The following TSPAN9 variants were observed in gnomAD, a reference collection of about 807,000 sequenced individuals.
The protein encoded by TSPAN9 is tetraspanin 9.
In TSPAN9, 16 loss-of-function variants were observed where a neutral mutation model predicts 31.0. That is an observed-to-expected ratio of 0.52 (90% CI 0.35 to 0.78). The LOEUF (loss-of-function observed/expected upper bound fraction) is 0.78, where lower values mean the gene tolerates loss of function less well. Among genes scored for constraint, TSPAN9 ranks in the 30% least tolerant of loss-of-function variants. TSPAN9 has a pLI of 0.01. For missense variants in TSPAN9, 272 were observed against 312.5 expected, an observed-to-expected ratio of 0.87 and a Z score of 0.98; for synonymous variants, 145 against 121.6, an observed-to-expected ratio of 1.19 and a Z score of -1.27.
intron 3 of TSPAN9, among the ~76,000 whole-genome samples, chr12:3,235,118 G>A (rs1192125104): frequency 1.3e-5 from 1 of 78,102 alleles, no homozygotes; most frequent in Non-Finnish European, 3.1e-5. Context: ...AGTGAGCGGA[G>A]CTTGCAGTGA....
chr12:3,250,818 G>A (rs540910859), intron 3 of TSPAN9, among the ~76,000 whole-genome samples: 15 of 152,348 alleles, frequency 9.8e-5, no homozygotes, highest in Admixed American at 4.6e-4. Context: ...TGCCAGGCCC[G>A]GGGAGCAGCC....
chr12:3,257,515 A>G (rs936866481), intron 3 of TSPAN9, among the ~76,000 whole-genome samples: 3 of 151,988 alleles, frequency 2.0e-5, no homozygotes. Context: ...GCATCCAAGA[A>G]CAACAGTGGC....
chr12:3,112,676 C>CTTTTTTTTTTT (rs765040711), intron 2 of TSPAN9, among the ~76,000 whole-genome samples: 2 of 88,514 alleles, frequency 2.3e-5, no homozygotes. Context: ...TTTATTTTTG[C>CTTTTTTTTTTT]TTTTTTTTTT....
chr12:3,145,191 C>T (rs1306081048), intron 2 of TSPAN9, among the ~76,000 whole-genome samples: 2 of 152,176 alleles, frequency 1.3e-5, no homozygotes, highest in Non-Finnish European at 2.9e-5. Flanking sequence ...GACCGTGAGG[C>T]CCTCCGGTCA....
chr12:3,237,710 G>T (rs555278104), intron 3 of TSPAN9, among the ~76,000 whole-genome samples: 1 of 152,276 alleles, frequency 6.6e-6, no homozygotes, highest in East Asian at 1.9e-4. Flanking sequence ...TCAGCTTTCT[G>T]CAAGTCTCCC....
At chr12:3,188,134 T>G (rs895065860) in intron 2 of TSPAN9, among the ~76,000 whole-genome samples, 2 of 152,078 alleles carry the variant, frequency 1.3e-5, no homozygotes, top group Admixed American at 1.3e-4. Flanking sequence ...GACAAGTGCC[T>G]CCCACTTGAT....
chr12:3,211,396 A>T (rs1011393457), intron 3 of TSPAN9, among the ~76,000 whole-genome samples: 9 of 152,152 alleles, frequency 5.9e-5, no homozygotes, highest in African/African-American at 2.2e-4. Flanking sequence ...AATATCTGGT[A>T]GGGCAAATCC....
At chr12:3,241,678 A>G (rs1412377083) in intron 3 of TSPAN9, among the ~76,000 whole-genome samples, 1 of 152,176 alleles carries the variant, frequency 6.6e-6, no homozygotes, top group African/African-American at 2.4e-5. Flanking sequence ...CATGGTCAGC[A>G]TGGTGGGTGT....
chr12:3,110,345 G>C (rs1350059262), intron 2 of TSPAN9, among the ~76,000 whole-genome samples: 1 of 152,108 alleles, frequency 6.6e-6, no homozygotes, highest in Non-Finnish European at 1.5e-5. Flanking sequence ...AAAATACCTA[G>C]GATACTAATT....
intron 3 of TSPAN9, among the ~76,000 whole-genome samples, chr12:3,276,432 G>A (rs1862788360): frequency 6.6e-6 from 1 of 152,174 alleles, no homozygotes; most frequent in Admixed American, 6.5e-5. Context: ...CTCACTCACT[G>A]TTGTAGCACA....
Position 3,111,291 on chromosome 12 carries a change from C to T in TSPAN9, c.-18+27572C>T, listed in dbSNP as rs912856926. ...GCTCCAGGAGATGCCCGTCCCCTTTCGCCAGCCTCCTTTGACATTTTTGGT... is the reference window on the plus strand; with the variant it reads ...GCTCCAGGAGATGCCCGTCCCCTTTTGCCAGCCTCCTTTGACATTTTTGGT... On this transcript the variant is annotated intron_variant, in intron 2 of 8. Transcript: ENST00000011898. Among the ~76,000 whole-genome samples the T allele has an allele frequency of 9.2e-5, 14 of 152,168 alleles. No homozygotes were observed. The East Asian group carries it at 1.7e-3, about 19-fold the overall frequency.
At chr12:3,268,382 AGCCTGCCCTCTC>A (rs1862583150) in intron 3 of TSPAN9, among the ~76,000 whole-genome samples, 1 of 119,292 alleles carries the variant, frequency 8.4e-6, no homozygotes, top group African/African-American at 3.2e-5. Context: ...GTGTTCCTGC[AGCCTGCCCTCTC>A]TGTGTTCCTG....
chr12:3,078,232 G>T (rs2098296096), intron 1 of TSPAN9, among the ~76,000 whole-genome samples: 1 of 152,106 alleles, frequency 6.6e-6, no homozygotes, highest in Non-Finnish European at 1.5e-5. Context: ...AAAACGGGGG[G>T]TAAGAAGGCA....
intron 2 of TSPAN9, among the ~76,000 whole-genome samples, chr12:3,118,960 C>A (rs1312903935): frequency 6.6e-6 from 1 of 152,180 alleles, no homozygotes. Context: ...GGACCGAGAT[C>A]GCCCTGTCCA....
intron 5 of TSPAN9, 106 bp downstream of exon 5, chr12:3,279,172 C>T (rs1249640288): frequency 4.0e-6 from 4 of 1,004,388 alleles, no homozygotes; most frequent in African/African-American, 1.6e-5. Context: ...TGCTGGCAAG[C>T]AGCACCTGTG....
chr12:3,243,897 A>AG (rs1441140037), intron 3 of TSPAN9, among the ~76,000 whole-genome samples: 8 of 152,170 alleles, frequency 5.3e-5, no homozygotes, highest in Admixed American at 2.0e-4. Flanking sequence ...TACCCCCTGC[A>AG]GTCATCCTGG....
chr12:3,236,276 T>G (rs1478738436), intron 3 of TSPAN9, among the ~76,000 whole-genome samples: 1 of 152,234 alleles, frequency 6.6e-6, no homozygotes, highest in African/African-American at 2.4e-5. Context: ...CTTGAGGGAA[T>G]GGTGCAATAA....
chr12:3,169,800 A>G (rs905816064), intron 2 of TSPAN9, among the ~76,000 whole-genome samples: 10 of 152,290 alleles, frequency 6.6e-5, no homozygotes, highest in Middle Eastern at 3.4e-3. Context: ...AGGCAGGAAG[A>G]AGATCGTATC....
intron 2 of TSPAN9, chr12:3,173,180 G>A (rs562854180): frequency 3.9e-5 from 6 of 152,704 alleles, no homozygotes; most frequent in African/African-American, 9.6e-5. Flanking sequence ...CACTGTGCCC[G>A]GGTGGATGAG....
Sources: gnomAD v4.1 joint callset for allele counts (sites outside exome capture counted in the v4.1 genomes callset) on GRCh38, gnomAD v4.1.1 for gene constraint, MANE v1.5 for transcripts, NCBI Gene and HGNC (gene_info 2026-07-23, HGNC 2026-07-21) for gene names.